The following DPYD variants were observed in gnomAD, a reference collection of about 807,000 sequenced individuals.
DPYD encodes the protein dihydropyrimidine dehydrogenase [NADP(+)].
Under a neutral mutation model 116.2 loss-of-function variants are expected in DPYD, and 109 were observed. The ratio of observed to expected loss-of-function variants is 0.94; its 90% CI spans 0.80 to 1.10. The LOEUF is 1.10. Among genes scored for constraint, DPYD ranks in the 50% least tolerant of loss-of-function variants. The pLI is 0.00. For missense variants in DPYD, 1,302 were observed against 1,254.5 expected, an observed-to-expected ratio of 1.04 and a Z score of -0.57; for synonymous variants, 440 against 432.0, an observed-to-expected ratio of 1.02 and a Z score of -0.23.
intron 14 of DPYD, among the ~76,000 whole-genome samples, chr1:97,387,689 G>A (rs1223281499): frequency 6.6e-6 from 1 of 152,066 alleles, no homozygotes; most frequent in African/African-American, 2.4e-5. Context: ...AATAAAATGT[G>A]GAAGTGAGTA....
chr1:97,595,326 G>A (rs368439534), intron 8 of DPYD, among the ~76,000 whole-genome samples, 160 bp from the exon 9 acceptor site: 48 of 151,992 alleles, frequency 3.2e-4, no homozygotes, highest in Non-Finnish European at 2.5e-4. Context: ...ACAGTCTAAC[G>A]GATCTCAGAG....
chr1:97,455,452 C>T (rs1676629748), intron 13 of DPYD, among the ~76,000 whole-genome samples: 2 of 152,020 alleles, frequency 1.3e-5, no homozygotes, highest in South Asian at 2.1e-4. Flanking sequence ...AAATGTACTT[C>T]ATGACCAACT....
chr1:97,453,008 C>T (rs1445382722), intron 13 of DPYD, among the ~76,000 whole-genome samples: 1 of 152,040 alleles, frequency 6.6e-6, no homozygotes, highest in East Asian at 1.9e-4. Context: ...GAATTGGGTT[C>T]TTGCTTGCTT....
chr1:97,895,057 G>A (rs996746430), intron 1 of DPYD, among the ~76,000 whole-genome samples: 3 of 151,690 alleles, frequency 2.0e-5, no homozygotes, highest in Non-Finnish European at 4.4e-5. Flanking sequence ...AGTTCATTGG[G>A]TAAGAAAATC....
At chr1:97,080,478 A>G (rs966952416) in intron 22 of DPYD, among the ~76,000 whole-genome samples, 1 of 152,096 alleles carries the variant, frequency 6.6e-6, no homozygotes, top group South Asian at 2.1e-4. Context: ...AGAGTAAATC[A>G]TGATAGTTGC....
intron 20 of DPYD, among the ~76,000 whole-genome samples, chr1:97,139,109 T>C (rs948144003): frequency 2.0e-5 from 3 of 152,182 alleles, no homozygotes; most frequent in Non-Finnish European, 4.4e-5. Flanking sequence ...TTAGTAAATC[T>C]TATCCAAAAT....
intron 6 of DPYD, among the ~76,000 whole-genome samples, chr1:97,695,712 G>A (rs1197664833): frequency 6.6e-6 from 1 of 151,958 alleles, no homozygotes; most frequent in Non-Finnish European, 1.5e-5. Flanking sequence ...AGGTTAGGAG[G>A]AGTTGTTGAA....
At chr1:97,637,823 C>A (rs1334554629) in intron 8 of DPYD, among the ~76,000 whole-genome samples, 1 of 152,096 alleles carries the variant, frequency 6.6e-6, no homozygotes, top group Admixed American at 6.6e-5. Context: ...AAATACTAAC[C>A]TTACTGATGG....
At chr1:97,182,192 C>T (rs1229650734) in intron 20 of DPYD, among the ~76,000 whole-genome samples, 1 of 151,996 alleles carries the variant, frequency 6.6e-6, no homozygotes, top group Non-Finnish European at 1.5e-5. Context: ...AAATTTTATC[C>T]AACATTTTTT....
At chr1:97,610,490 T>C (rs1203042409) in intron 8 of DPYD, among the ~76,000 whole-genome samples, 1 of 152,038 alleles carries the variant, frequency 6.6e-6, no homozygotes, top group Admixed American at 6.6e-5. Context: ...AATGAAAGAT[T>C]TAATTCAACT....
intron 14 of DPYD, among the ~76,000 whole-genome samples, chr1:97,386,277 T>C (rs1436496713): frequency 2.3e-5 from 1 of 43,496 alleles, no homozygotes; most frequent in African/African-American, 5.1e-5. Context: ...ACTGGGAAAG[T>C]TAAAACTTTT....
At position 97,573,791 on chromosome 1, in the gene DPYD, A is replaced by T. The variant is rs749354734; in HGVS notation, c.1308T>A (p.Ser436Arg). 5 of 1,613,650 alleles carry T rather than the reference A, an allele frequency of 3.1e-6. No homozygotes were observed. Among genetic ancestry groups the T allele is most frequent in the Non-Finnish European group, 3.4e-6 (4 of 1,179,634 alleles). Residue 436 changes from serine (S) to arginine (R), a missense_variant, in exon 11 of 23, where the codon AGT becomes AGA. Transcript: ENST00000370192. ...GATCACTCAGAACTGAACCAAAGGC[A>T]CTGATGACCACATCGGCTTTCAGAT... ...MVHLKADVVI[S>R]AFGSVLSDPK...
At chr1:97,137,311 T>C (rs546186717) in intron 20 of DPYD, among the ~76,000 whole-genome samples, 164 of 152,326 alleles carry the variant, frequency 1.1e-3, no homozygotes, top group Admixed American at 2.6e-3. Flanking sequence ...CTGAAAATAT[T>C]ACTATTGATT....
intron 3 of DPYD, among the ~76,000 whole-genome samples, chr1:97,813,772 A>T (rs1181956621): frequency 6.6e-6 from 1 of 152,202 alleles, no homozygotes; most frequent in Non-Finnish European, 1.5e-5. Context: ...AACATTAGGA[A>T]GACTGATCTT....
chr1:97,805,257 G>A (rs2101354407), intron 3 of DPYD, among the ~76,000 whole-genome samples: 1 of 151,940 alleles, frequency 6.6e-6, no homozygotes. Context: ...GACTAGGGCA[G>A]AGAACACAGA....
chr1:97,895,388 A>G (rs1376219758), intron 1 of DPYD, among the ~76,000 whole-genome samples: 1 of 151,790 alleles, frequency 6.6e-6, no homozygotes, highest in Non-Finnish European at 1.5e-5. Context: ...GAAAGATGAA[A>G]GCAGGACCTG....
At chr1:97,557,536 A>T (rs1651836128) in intron 11 of DPYD, among the ~76,000 whole-genome samples, 1 of 151,836 alleles carries the variant, frequency 6.6e-6, no homozygotes, top group African/African-American at 2.4e-5. Context: ...GGCTGGTCTC[A>T]AACTCCTGAC....
intron 20 of DPYD, among the ~76,000 whole-genome samples, chr1:97,125,220 A>G (rs1314025348): frequency 2.0e-5 from 3 of 152,070 alleles, no homozygotes; most frequent in African/African-American, 7.2e-5. Flanking sequence ...TGACTAAGAT[A>G]AGACTGTTTG....
intron 4 of DPYD, among the ~76,000 whole-genome samples, chr1:97,723,934 A>C (rs1663064435): frequency 6.6e-6 from 1 of 151,646 alleles, no homozygotes; most frequent in Non-Finnish European, 1.5e-5. Context: ...AATTTATGCT[A>C]ATTTCTGACA....
Sources: allele counts gnomAD v4.1 joint callset (sites outside exome capture counted in the v4.1 genomes callset), GRCh38; gene constraint gnomAD v4.1.1; transcripts MANE v1.5; gene names NCBI Gene and HGNC (gene_info 2026-07-23, HGNC 2026-07-21).